Variants in TRAPPC8 observed in about 807,000 individuals in gnomAD.
TRAPPC8 encodes the protein general sporulation gene 1 homolog.
In TRAPPC8, 54 loss-of-function variants were observed where a neutral mutation model predicts 174.3. That is an observed-to-expected ratio of 0.31 (90% CI 0.25 to 0.39). The LOEUF (loss-of-function observed/expected upper bound fraction) is 0.39. Among genes scored for constraint, TRAPPC8 ranks in the 10% least tolerant of loss-of-function variants. TRAPPC8 has a pLI of 1.00. For synonymous variants in TRAPPC8, 630 were observed against 579.9 expected, an observed-to-expected ratio of 1.09 and a Z score of -1.24; for missense variants, 1,531 against 1,699.1, an observed-to-expected ratio of 0.90 and a Z score of 1.74.
At chr18:31,894,475 A>G (rs548619459) in intron 11 of TRAPPC8, among the ~76,000 whole-genome samples, 4,414 of 152,230 alleles carry the variant, frequency 0.029, 224 homozygotes, top group African/African-American at 0.099. Context: ...GAAACTAAGA[A>G]AAAAAAATCT....
At chr18:31,831,674 T>C (rs2032381580) in intron 28 of TRAPPC8, among the ~76,000 whole-genome samples, 2 of 152,276 alleles carry the variant, frequency 1.3e-5, no homozygotes, top group South Asian at 4.1e-4. Flanking sequence ...AAAGTATTAA[T>C]AAATTTATGA....
chr18:31,914,178 A>C (rs2037038734), intron 4 of TRAPPC8, among the ~76,000 whole-genome samples: 1 of 151,204 alleles, frequency 6.6e-6, no homozygotes, highest in Non-Finnish European at 1.5e-5. Flanking sequence ...AAAAAAAAAC[A>C]ACCTGGAAAA....
chr18:31,937,733 T>C (rs905930440), intron 1 of TRAPPC8: 5 of 152,170 alleles, frequency 3.3e-5, no homozygotes, highest in African/African-American at 1.2e-4. Context: ...AGACAGAGTC[T>C]CGCTCTGTCA....
intron 12 of TRAPPC8, among the ~76,000 whole-genome samples, chr18:31,875,519 C>A (rs8086196): frequency 0.035 from 5,295 of 152,160 alleles, 117 homozygotes; most frequent in African/African-American, 0.065. Context: ...AGGACAGCAG[C>A]ACAGTAAACA....
Position 31,839,344 on chromosome 18 carries a change from T to C in TRAPPC8, c.3951A>G (p.Pro1317=). 1 of 1,607,372 alleles carries C rather than the reference T, an allele frequency of 6.2e-7. No individual in the cohort carries two copies. Among genetic ancestry groups the C allele is most frequent in the African/African-American group, 1.3e-5 (1 of 74,762 alleles). The change falls in exon 27 of 29, where the codon CCA becomes CCG. Residue 1317 remains proline, a synonymous_variant. Coordinates refer to ENST00000283351, the MANE Select transcript of TRAPPC8 (RefSeq NM_014939.5). The part of the protein sequence containing the change: ...SSLIKTSLHY[P]ESFNHPFHQK... The stretch of plus-strand genomic sequence containing the variant: ...GATGAAATGGATGATTAAATGATTC[T>C]GGGTAGTGAAGACTCGTTTTAATGA...
At chr18:31,855,608 G>A (rs2145087286) in intron 21 of TRAPPC8, 52 bp downstream of exon 21, 3 of 1,518,940 alleles carry the variant, frequency 2.0e-6, no homozygotes, top group African/African-American at 2.8e-5. Flanking sequence ...TAAACACAAG[G>A]GAAACACTTC....
rs1039756941 is a variant in TRAPPC8 at position 31,849,873 on chromosome 18, CT to C, written c.3562-135del. Reference sequence around the variant, plus strand: ...CTATAGCTTATACATACCCAAAATACTTATTCAATAATTCTTGTCAATGTAG... The same window carrying C: ...CTATAGCTTATACATACCCAAAATACTATTCAATAATTCTTGTCAATGTAG... On this transcript the variant is annotated intron_variant, in intron 24 of 28. Coordinates refer to ENST00000283351, the MANE Select transcript of TRAPPC8 (RefSeq NM_014939.5). 22 of 710,662 alleles carry C rather than the reference CT, an allele frequency of 3.1e-5. No homozygotes were observed. In the African/African-American group the frequency reaches 3.1e-4, roughly 10 times the overall value. 44.0% of individuals were successfully genotyped at this position (710,662 alleles called of 1,614,324 possible).
intron 12 of TRAPPC8, among the ~76,000 whole-genome samples, chr18:31,889,733 A>G: frequency 6.6e-6 from 1 of 152,218 alleles, no homozygotes; most frequent in South Asian, 2.1e-4. Flanking sequence ...TTTAATGAAC[A>G]TTAAGCAAGT....
At chr18:31,839,222 T>C (rs1051896654) in intron 27 of TRAPPC8, 90 bp downstream of exon 27, 1 of 1,281,250 alleles carries the variant, frequency 7.8e-7, no homozygotes, top group African/African-American at 1.5e-5. Flanking sequence ...CTCTTCAATA[T>C]TTGGGTTAAT....
At chr18:31,891,654 C>G (rs1191528362) in intron 11 of TRAPPC8, among the ~76,000 whole-genome samples, 2 of 152,166 alleles carry the variant, frequency 1.3e-5, no homozygotes, top group Non-Finnish European at 2.9e-5. Context: ...AACATTTTCA[C>G]CAAAACTTTC....
At chr18:31,879,979 A>T (rs190160503) in intron 12 of TRAPPC8, among the ~76,000 whole-genome samples, 1,529 of 128,538 alleles carry the variant, frequency 0.012, 21 homozygotes, top group Middle Eastern at 0.031. Context: ...ATTAAAAAAA[A>T]AAATAAATAA....
intron 27 of TRAPPC8, 32 bp downstream of exon 27, chr18:31,839,280 G>A (rs1223284459): frequency 6.3e-7 from 1 of 1,583,100 alleles, no homozygotes; most frequent in African/African-American, 1.4e-5. Context: ...GTGTGTTGTA[G>A]AAAATTTTGG....
intron 26 of TRAPPC8, among the ~76,000 whole-genome samples, chr18:31,840,449 A>T (rs1043260682): frequency 6.6e-6 from 1 of 151,988 alleles, no homozygotes; most frequent in Non-Finnish European, 1.5e-5. Flanking sequence ...GAAACATCCC[A>T]TTTCTACTAT....
At chr18:31,874,821 C>A in intron 12 of TRAPPC8, 117 bp from the exon 13 acceptor site, 1 of 752,362 alleles carries the variant, frequency 1.3e-6, no homozygotes, top group Non-Finnish European at 2.1e-6. Context: ...CTAAGGGGGA[C>A]TGGGATAATG....
chr18:31,871,782 A>C (rs1157967257), intron 14 of TRAPPC8, among the ~76,000 whole-genome samples: 2 of 152,140 alleles, frequency 1.3e-5, no homozygotes, highest in East Asian at 1.9e-4. Context: ...AAACCATATC[A>C]ATTAATCCTC....
intron 1 of TRAPPC8, among the ~76,000 whole-genome samples, chr18:31,934,481 CTAAT>C (rs1038534846): frequency 4.6e-5 from 7 of 152,028 alleles, no homozygotes; most frequent in Non-Finnish European, 7.4e-5. Flanking sequence ...CCCAGTCAGT[CTAAT>C]TATGCAGCAG....
Position 31,870,596 on chromosome 18 carries a change from T to G in TRAPPC8, c.2258-94A>C, listed in dbSNP as rs1210738902. 4 of 1,359,436 alleles carry G rather than the reference T, an allele frequency of 2.9e-6. No individual in the cohort carries two copies. The Admixed American group carries it at 8.5e-5, about 29-fold the overall frequency. 84.2% of individuals were successfully genotyped at this position (1,359,436 alleles called of 1,614,324 possible). The stretch of plus-strand genomic sequence containing the variant: ...TAAATGCATCTTGCTTTCATAGCTC[T>G]GCATTTCTGCCTAGACTGTCCTTTA... On this transcript the variant is annotated intron_variant, in intron 15 of 28. Transcript: ENST00000283351.
chr18:31,846,885 C>T, intron 25 of TRAPPC8, 68 bp from the exon 26 acceptor site: 1 of 1,122,130 alleles, frequency 8.9e-7, no homozygotes, highest in Non-Finnish European at 1.3e-6. Context: ...CAACCCAATA[C>T]TTGATAGAAA....
At chr18:31,929,358 T>C (rs1047248865) in intron 2 of TRAPPC8, among the ~76,000 whole-genome samples, 4 of 151,302 alleles carry the variant, frequency 2.6e-5, no homozygotes, top group African/African-American at 9.7e-5. Context: ...AGACCCTGTC[T>C]CTACAAAAAA....
Sources: allele counts gnomAD v4.1 joint callset (sites outside exome capture counted in the v4.1 genomes callset), GRCh38; gene constraint gnomAD v4.1.1; transcripts MANE v1.5; gene names NCBI Gene and HGNC (gene_info 2026-07-23, HGNC 2026-07-21).